Variants in LIPI observed in about 807,000 individuals in gnomAD.
LIPI encodes lipase member I.
LIPI carries 59 observed loss-of-function variants against 50.6 expected under a neutral mutation model. The observed-to-expected ratio is 1.16, with a 90% CI of 0.94 to 1.45. LIPI has a LOEUF of 1.45. Among genes scored for constraint, LIPI ranks in the 40% most tolerant of loss-of-function variants. The probability of loss-of-function intolerance (pLI) is 0.00; values close to 1 mark genes in which losing one functional copy is unlikely to be tolerated. For synonymous variants in LIPI, 203 were observed against 178.2 expected (o/e 1.14, Z -1.11); for missense variants, 586 against 536.3 (o/e 1.09, Z -0.92).
intron 4 of LIPI, among the ~76,000 whole-genome samples, chr21:14,171,204 T>G (rs1457658810): frequency 6.6e-6 from 1 of 150,718 alleles, no homozygotes; most frequent in African/African-American, 2.4e-5. Flanking sequence ...CACTGCTCAA[T>G]GAAATAAAAG....
chr21:14,178,992 G>A (rs1317217477), intron 4 of LIPI, among the ~76,000 whole-genome samples: 1 of 152,106 alleles, frequency 6.6e-6, no homozygotes, highest in Admixed American at 6.6e-5. Context: ...CAGACCATAA[G>A]AAGGCTGATT....
intron 9 of LIPI, among the ~76,000 whole-genome samples, chr21:14,133,300 G>A (rs1026982626): frequency 6.6e-6 from 1 of 152,066 alleles, no homozygotes; most frequent in Non-Finnish European, 1.5e-5. Context: ...TGATCATGTG[G>A]GATTTATTGC....
In LIPI at chr21:14,189,237, C is replaced by A. The variant is rs752715554; in HGVS notation, c.229G>T (p.Val77Phe). 13 of 1,613,968 alleles carry A rather than the reference C, an allele frequency of 8.1e-6. No individual in the cohort carries two copies. In the East Asian group the frequency reaches 2.7e-4, roughly 33 times the overall value. Residue 77 changes from valine (V) to phenylalanine (F), a missense_variant, in exon 2 of 10, where the codon GTC becomes TTC. Physicochemically the swap from Val to Phe is conservative, Grantham distance 50 (BLOSUM62 -1). Transcript: ENST00000681601. ...NVNFNTQKKT[V>F]WLIHGYRPVG... is the part of the protein sequence containing the mutation. ...GGTCTGTATCCGTGAATAAGCCAGA[C>A]TGTTTTCTTTTGTGTGTTGAAATTA...
chr21:14,196,126 G>GTTTTTT (rs35760637), intron 1 of LIPI, among the ~76,000 whole-genome samples: 1 of 136,676 alleles, frequency 7.3e-6, no homozygotes. Flanking sequence ...AGTTCGTAGC[G>GTTTTTT]TTTTTTTTTT....
chr21:14,111,179 A>T (rs1312379667), intron 9 of LIPI, among the ~76,000 whole-genome samples: 1 of 151,800 alleles, frequency 6.6e-6, no homozygotes, highest in Non-Finnish European at 1.5e-5. Flanking sequence ...TTTCCTAACA[A>T]CTTTTCTAAT....
chr21:14,133,516 T>A (rs2017375968), intron 9 of LIPI, among the ~76,000 whole-genome samples: 2 of 152,166 alleles, frequency 1.3e-5, no homozygotes, highest in Admixed American at 1.3e-4. Flanking sequence ...ACAGCCAGCA[T>A]CAAACTTAAT....
chr21:14,191,369 TC>T (rs1195195709), intron 1 of LIPI, among the ~76,000 whole-genome samples: 1 of 109,140 alleles, frequency 9.2e-6, no homozygotes, highest in African/African-American at 3.6e-5. Context: ...AGAGCAAGAC[TC>T]CGTCTCAAAA....
intron 1 of LIPI, among the ~76,000 whole-genome samples, chr21:14,205,555 C>A (rs380583): frequency 0.14 from 21,109 of 151,922 alleles, 1,930 homozygotes; most frequent in South Asian, 0.21. Context: ...TACCTCCCCC[C>A]ACACACACAT....
At position 14,152,807 on chromosome 21, in the gene LIPI, T is replaced by C. The variant is rs79629750; in HGVS notation, c.1007-123A>G. On this transcript the variant is annotated intron_variant, in intron 7 of 9. Coordinates refer to ENST00000681601, the MANE Select transcript of LIPI (RefSeq NM_001302998.2). ...ATGTAATCTAGGCTCATATTACATA[T>C]GCAAATAATATTATTGAGAGGACTC... 304 of 569,830 alleles carry C rather than the reference T, an allele frequency of 5.3e-4. 2 individuals carry two copies. The East Asian group carries it at 8.8e-3, about 16-fold the overall frequency. 35.3% of individuals were successfully genotyped at this position (569,830 alleles called of 1,614,324 possible).
intron 9 of LIPI, among the ~76,000 whole-genome samples, chr21:14,140,101 CAAA>C (rs2017650712): frequency 6.6e-6 from 1 of 151,924 alleles, no homozygotes; most frequent in Admixed American, 6.6e-5. Flanking sequence ...CTCTGGACAA[CAAA>C]TTATAGGACA....
chr21:14,205,794 A>C (rs893183029), intron 1 of LIPI, among the ~76,000 whole-genome samples: 3 of 152,090 alleles, frequency 2.0e-5, no homozygotes, highest in African/African-American at 7.2e-5. Context: ...GTATCAGCAA[A>C]AACTGAATAT....
At chr21:14,206,671 A>G in intron 1 of LIPI, 1 of 597,108 alleles carries the variant, frequency 1.7e-6, no homozygotes, top group Non-Finnish European at 2.9e-6. Flanking sequence ...TGGAAAAAAA[A>G]CGGATTTGTT....
intron 1 of LIPI, among the ~76,000 whole-genome samples, chr21:14,202,991 AAAAC>A (rs796851908): frequency 0.14 from 21,410 of 151,976 alleles, 1,895 homozygotes; most frequent in South Asian, 0.21. Flanking sequence ...TTACAAGAAA[AAAAC>A]AAACAAACCC....
intron 1 of LIPI, among the ~76,000 whole-genome samples, chr21:14,200,185 A>T (rs1600934915): frequency 6.6e-6 from 1 of 152,000 alleles, no homozygotes; most frequent in African/African-American, 2.4e-5. Flanking sequence ...CCCCTTGAAA[A>T]CCAGCCAAGA....
intron 9 of LIPI, among the ~76,000 whole-genome samples, chr21:14,128,918 T>A (rs1257999941): frequency 6.6e-6 from 1 of 152,074 alleles, no homozygotes; most frequent in Non-Finnish European, 1.5e-5. Flanking sequence ...ATTATAGTTC[T>A]CAGAGTGAGA....
rs201335362 is a variant in LIPI at position 14,137,380 on chromosome 21, CAA to C, written c.1295+7241_1295+7242del. ...TCAGAATTCTATCAGATAAATTTAA[CAA>C]AGAGATTGAAATAATTAAAAAGAAT... On this transcript the variant is annotated intron_variant, in intron 9 of 9. Coordinates refer to ENST00000681601, the MANE Select transcript of LIPI (RefSeq NM_001302998.2). Among the ~76,000 whole-genome samples the C allele has an allele frequency of 5.5e-3, 842 of 152,094 alleles. 14 individuals carry two copies. The highest frequency in any genetic ancestry group is 0.02 in the African/African-American group (814 of 41,510).
At chr21:14,154,258 T>C (rs1251822368) in intron 7 of LIPI, among the ~76,000 whole-genome samples, 2 of 152,090 alleles carry the variant, frequency 1.3e-5, no homozygotes, top group Non-Finnish European at 2.9e-5. Context: ...AAAAAAAGTG[T>C]ATCTGAAAAC....
chr21:14,173,139 T>G (rs1362632501), intron 4 of LIPI, among the ~76,000 whole-genome samples: 1 of 152,148 alleles, frequency 6.6e-6, no homozygotes, highest in African/African-American at 2.4e-5. Flanking sequence ...GTGACCCCAG[T>G]GGATATTTGT....
chr21:14,149,772 C>T (rs2018025874), intron 8 of LIPI, among the ~76,000 whole-genome samples: 1 of 152,210 alleles, frequency 6.6e-6, no homozygotes, highest in African/African-American at 2.4e-5. Context: ...CCCTTTAACT[C>T]ATGTCTCACA....
Sources: gnomAD v4.1 joint callset for allele counts (sites outside exome capture counted in the v4.1 genomes callset) on GRCh38, gnomAD v4.1.1 for gene constraint, MANE v1.5 for transcripts, NCBI Gene and HGNC (gene_info 2026-07-23, HGNC 2026-07-21) for gene names.